GALNTL6: variants seen among roughly 807,000 people sequenced by gnomAD.
GALNTL6 encodes the protein polypeptide N-acetylgalactosaminyltransferase-like 6.
GALNTL6 carries 46 observed loss-of-function variants against 73.7 expected under a neutral mutation model. The observed-to-expected ratio is 0.62, with a 90% CI of 0.49 to 0.80. The LOEUF is 0.80. Ranked by LOEUF, GALNTL6 falls within the 30% of genes least tolerant of loss-of-function variation. The probability of loss-of-function intolerance (pLI) is 0.00; values close to 1 mark genes in which losing one functional copy is unlikely to be tolerated. For missense variants in GALNTL6, 604 were observed against 755.0 expected (o/e 0.80, Z 2.34); for synonymous variants, 259 against 263.7 (o/e 0.98, Z 0.17).
chr4:172,198,425 A>AT (rs920353995), intron 2 of GALNTL6, among the ~76,000 whole-genome samples: 2 of 151,960 alleles, frequency 1.3e-5, no homozygotes, highest in African/African-American at 4.8e-5. Flanking sequence ...GAAAAAAAAA[A>AT]GACCCCATTA....
intron 2 of GALNTL6, among the ~76,000 whole-genome samples, chr4:171,848,182 C>G (rs1406112354): frequency 6.6e-6 from 1 of 152,170 alleles, no homozygotes; most frequent in East Asian, 1.9e-4. Context: ...TCTTGGGTGA[C>G]CAGGTGCATT....
chr4:172,760,805 A>G (rs1040426527), intron 5 of GALNTL6, among the ~76,000 whole-genome samples: 1 of 152,092 alleles, frequency 6.6e-6, no homozygotes, highest in Non-Finnish European at 1.5e-5. Flanking sequence ...CCAGCAGGGG[A>G]TAGGAGGACC....
At chr4:172,715,852 T>G (rs1375592236) in intron 5 of GALNTL6, among the ~76,000 whole-genome samples, 1 of 152,218 alleles carries the variant, frequency 6.6e-6, no homozygotes, top group Non-Finnish European at 1.5e-5. Context: ...GAACTACATA[T>G]GACTTTGTGA....
At chr4:172,628,305 CTT>C (rs960435774) in intron 5 of GALNTL6, among the ~76,000 whole-genome samples, 4 of 152,108 alleles carry the variant, frequency 2.6e-5, no homozygotes, top group Admixed American at 2.6e-4. Context: ...TGCTTCAAAT[CTT>C]TTTCGAAATG....
chr4:172,323,335 T>A (rs1740823869), intron 4 of GALNTL6, among the ~76,000 whole-genome samples: 1 of 152,124 alleles, frequency 6.6e-6, no homozygotes, highest in Non-Finnish European at 1.5e-5. Context: ...CAAAGGTAAC[T>A]GACATGGGCA....
Position 172,506,436 on chromosome 4 carries a change from TCTCTGCTGAAAA to T in GALNTL6, c.553+157756_553+157767del, listed in dbSNP as rs1353146025. ...GCTGTCCTACGATCATTAAACTCTT[TCTCTGCTGAAAA>T]CTCTGCTGTCTCAGTATATTGGTAT... On this transcript the variant is annotated intron_variant, in intron 5 of 12. Coordinates refer to ENST00000506823, the MANE Select transcript of GALNTL6 (RefSeq NM_001034845.3). 3.7e-5 allele frequency among the ~76,000 whole-genome samples: 2 copies of T among 54,348 alleles called. 1 individual carries two copies. Among genetic ancestry groups the T allele is most frequent in the Non-Finnish European group, 8.5e-5 (2 of 23,648 alleles). The allele number at this position is 54,348 out of a possible 152,430, so 35.7% of individuals were successfully genotyped here.
intron 5 of GALNTL6, among the ~76,000 whole-genome samples, chr4:172,495,263 G>T (rs766637740): frequency 5.3e-5 from 8 of 152,162 alleles, no homozygotes; most frequent in Non-Finnish European, 1.0e-4. Flanking sequence ...GAAGAAAAGA[G>T]ACTCAAAGAA....
At chr4:172,191,924 C>A (rs1349608089) in intron 2 of GALNTL6, among the ~76,000 whole-genome samples, 1 of 152,054 alleles carries the variant, frequency 6.6e-6, no homozygotes, top group Non-Finnish European at 1.5e-5. Flanking sequence ...AAATACCTAG[C>A]ACATACAGGT....
chr4:172,290,326 T>C (rs540987207), intron 3 of GALNTL6, among the ~76,000 whole-genome samples: 4 of 152,314 alleles, frequency 2.6e-5, no homozygotes, highest in African/African-American at 9.6e-5. Flanking sequence ...TGCATAGATT[T>C]CAATAACAAC....
chr4:172,386,661 G>A (rs921496622), intron 5 of GALNTL6, among the ~76,000 whole-genome samples: 1 of 152,158 alleles, frequency 6.6e-6, no homozygotes, highest in Non-Finnish European at 1.5e-5. Context: ...GGAAGCCAAT[G>A]GAGTAACTCA....
intron 2 of GALNTL6, among the ~76,000 whole-genome samples, chr4:172,111,699 T>C (rs937421858): frequency 6.6e-6 from 1 of 152,072 alleles, no homozygotes. Flanking sequence ...TTTTAGGTTT[T>C]CTGCTAACTG....
intron 5 of GALNTL6, among the ~76,000 whole-genome samples, chr4:172,688,240 T>A (rs1733050604): frequency 6.6e-6 from 1 of 152,208 alleles, no homozygotes; most frequent in Admixed American, 6.5e-5. Flanking sequence ...AGGTAGCATA[T>A]GTGATTGCTA....
In GALNTL6 at chr4:172,809,598, G is replaced by C. The variant is rs757736485; in HGVS notation, c.739+52G>C. 5 of 1,441,206 alleles carry C rather than the reference G, an allele frequency of 3.5e-6. No individual in the cohort carries two copies. Among genetic ancestry groups the C allele is most frequent in the Non-Finnish European group, 4.7e-6 (5 of 1,061,396 alleles). 89.3% of individuals were successfully genotyped at this position (1,441,206 alleles called of 1,614,324 possible). ...CTGGGATGCCTCAGGGGAACTGAGC[G>C]GTTTGCTTCTATTTAGTTTGCAATC... is the stretch of plus-strand genomic sequence containing the variant. On this transcript the variant is annotated intron_variant, in intron 6 of 12. Coordinates refer to ENST00000506823, the MANE Select transcript of GALNTL6 (RefSeq NM_001034845.3). The surrounding 1 kb of genome is among the most constrained non-coding windows in gnomAD (Gnocchi z 4.4).
chr4:173,021,530 C>T lies in GALNTL6; in HGVS notation c.1543C>T (p.Arg515Trp), dbSNP rs756041431. ...DIRPGEPLHT[R>W]KFCFDAISHN... is the part of the protein sequence containing the mutation. ...TCGACCCGGTGAGCCACTGCATACC[C>T]GGAAATTCTGCTTTGATGCGATCTC... The change falls in exon 12 of 13, where the codon CGG becomes TGG. Residue 515 changes from arginine to tryptophan, a missense_variant. Arg to Trp is a moderately radical substitution (Grantham distance 101). Transcript: ENST00000506823. 17 of 1,613,940 alleles carry T rather than the reference C, an allele frequency of 1.1e-5. No individual in the cohort carries two copies. The highest frequency in any genetic ancestry group is 1.3e-5 in the African/African-American group (1 of 74,898).
intron 10 of GALNTL6, among the ~76,000 whole-genome samples, chr4:173,007,774 C>G (rs1163560628): frequency 6.6e-6 from 1 of 152,006 alleles, no homozygotes; most frequent in Non-Finnish European, 1.5e-5. Flanking sequence ...CCACTGCACT[C>G]CAGCCTGGGT....
chr4:171,945,942 T>C (rs1738690808), intron 2 of GALNTL6, among the ~76,000 whole-genome samples: 1 of 152,226 alleles, frequency 6.6e-6, no homozygotes, highest in Non-Finnish European at 1.5e-5. Flanking sequence ...GGATATTGTG[T>C]TGACAATGAA....
chr4:172,632,606 A>AT (rs1029854089), intron 5 of GALNTL6, among the ~76,000 whole-genome samples: 2 of 152,098 alleles, frequency 1.3e-5, no homozygotes, highest in African/African-American at 4.8e-5. Flanking sequence ...TGACTATGCA[A>AT]TAAAAAAAAA....
chr4:172,354,109 G>A (rs919669487), intron 5 of GALNTL6, among the ~76,000 whole-genome samples: 3 of 152,056 alleles, frequency 2.0e-5, no homozygotes, highest in Non-Finnish European at 4.4e-5. Context: ...TGCATTTAAA[G>A]ATTCTGAGAC....
intron 3 of GALNTL6, among the ~76,000 whole-genome samples, chr4:172,282,827 G>T (rs943019210): frequency 4.0e-5 from 6 of 151,852 alleles, no homozygotes; most frequent in South Asian, 2.1e-4. Flanking sequence ...GGAAGCCAGG[G>T]TTTGTAAGAC....
Sources: allele counts gnomAD v4.1 joint callset (sites outside exome capture counted in the v4.1 genomes callset), GRCh38; gene constraint gnomAD v4.1.1; non-coding constraint Gnocchi (gnomAD v3.1); transcripts MANE v1.5; gene names NCBI Gene and HGNC (gene_info 2026-07-23, HGNC 2026-07-21).